Variants in PRKG1 observed in about 807,000 individuals in gnomAD.
PRKG1 encodes the protein cGMP-dependent protein kinase 1.
Under a neutral mutation model 88.1 loss-of-function variants are expected in PRKG1, and 35 were observed. The ratio of observed to expected loss-of-function variants is 0.40; its 90% CI spans 0.30 to 0.53. PRKG1 has a LOEUF of 0.53. Among genes scored for constraint, PRKG1 ranks in the 20% least tolerant of loss-of-function variants. The pLI is 0.59. For synonymous variants in PRKG1, 303 were observed against 292.5 expected (o/e 1.04, Z -0.37); for missense variants, 540 against 839.8 (o/e 0.64, Z 4.41).
intron 2 of PRKG1, among the ~76,000 whole-genome samples, chr10:51,398,480 C>A (rs535786677): frequency 7.8e-4 from 119 of 152,248 alleles, no homozygotes; most frequent in African/African-American, 2.8e-3. Context: ...GATTTGAGGA[C>A]CCCTGCCTTA....
intron 4 of PRKG1, among the ~76,000 whole-genome samples, chr10:51,849,724 C>G (rs1364815977): frequency 6.6e-6 from 1 of 152,170 alleles, no homozygotes; most frequent in Non-Finnish European, 1.5e-5. Flanking sequence ...TTTTAAAATT[C>G]TTCAGATTTA....
At chr10:51,269,856 C>T (rs1015283009) in intron 2 of PRKG1, among the ~76,000 whole-genome samples, 40 of 152,212 alleles carry the variant, frequency 2.6e-4, no homozygotes, top group African/African-American at 8.9e-4. Context: ...TCCCCAAAAA[C>T]TATTGAAATA....
At chr10:51,907,592 A>G (rs1316395724) in intron 5 of PRKG1, 22 bp downstream of exon 5, 1 of 1,600,678 alleles carries the variant, frequency 6.2e-7, no homozygotes, top group Admixed American at 1.7e-5. Flanking sequence ...TAGCCTTTGA[A>G]CTTTTTGAGA....
chr10:51,694,222 C>T (rs369515873), intron 3 of PRKG1, among the ~76,000 whole-genome samples: 2 of 152,220 alleles, frequency 1.3e-5, no homozygotes, highest in East Asian at 3.9e-4. Context: ...GGTTGTTGCA[C>T]ATAATTATCC....
At chr10:51,898,846 T>C (rs1450394426) in intron 4 of PRKG1, among the ~76,000 whole-genome samples, 1 of 152,154 alleles carries the variant, frequency 6.6e-6, no homozygotes, top group East Asian at 1.9e-4. Context: ...AATATTTTTT[T>C]CTTTAAATGG....
chr10:51,790,710 T>C (rs1445207331), intron 3 of PRKG1, among the ~76,000 whole-genome samples: 2 of 152,198 alleles, frequency 1.3e-5, no homozygotes, highest in African/African-American at 4.8e-5. Context: ...TCTTTTGATG[T>C]AGAGTCTGTC....
Position 51,920,165 on chromosome 10 carries a change from A to G in PRKG1, c.762+12595A>G, listed in dbSNP as rs576860645. ...GGATACACAATCAAGGTGGAAAACA[A>G]AGAAGGTGTGGGAAGCTAAGGACAG... On this transcript the variant is annotated intron_variant, in intron 5 of 17. Transcript: ENST00000373980. Among the ~76,000 whole-genome samples the G allele has an allele frequency of 5.3e-5, 8 of 152,320 alleles. No homozygotes were observed. The East Asian group carries it at 1.2e-3, about 22-fold the overall frequency.
At chr10:52,114,838 G>A (rs1847649384) in intron 7 of PRKG1, among the ~76,000 whole-genome samples, 1 of 152,114 alleles carries the variant, frequency 6.6e-6, no homozygotes. Context: ...AATACATGGT[G>A]CACCAGCACG....
chr10:51,411,004 T>A (rs183989423), intron 2 of PRKG1, among the ~76,000 whole-genome samples: 9 of 152,190 alleles, frequency 5.9e-5, no homozygotes, highest in Admixed American at 5.9e-4. Context: ...CAGGTTAATT[T>A]TTTTTTTTGA....
intron 2 of PRKG1, among the ~76,000 whole-genome samples, chr10:51,461,356 G>T (rs1350861172): frequency 6.6e-6 from 1 of 152,082 alleles, no homozygotes; most frequent in Non-Finnish European, 1.5e-5. Context: ...TTAGAAGCTT[G>T]GTTCTAACTA....
intron 9 of PRKG1, among the ~76,000 whole-genome samples, chr10:52,176,173 C>CTTT (rs140722137): frequency 0.019 from 1,793 of 95,596 alleles, 3 homozygotes; most frequent in East Asian, 0.028. Flanking sequence ...TTCTTTTTCT[C>CTTT]TTTTTTTTTT....
intron 2 of PRKG1, among the ~76,000 whole-genome samples, chr10:51,173,399 T>C (rs1209770209): frequency 1.4e-5 from 2 of 146,304 alleles, no homozygotes; most frequent in Non-Finnish European, 3.0e-5. Context: ...ATTAAGATCA[T>C]TAGAGTTGGG....
intron 5 of PRKG1, among the ~76,000 whole-genome samples, chr10:52,009,496 A>G (rs1844828021): frequency 6.6e-6 from 1 of 152,172 alleles, no homozygotes; most frequent in African/African-American, 2.4e-5. Flanking sequence ...AATGGTAATT[A>G]CAAAACACTG....
intron 3 of PRKG1, among the ~76,000 whole-genome samples, chr10:51,521,788 AC>A (rs1686171087): frequency 6.6e-6 from 1 of 152,226 alleles, no homozygotes; most frequent in African/African-American, 2.4e-5. Context: ...AGAACTTGGC[AC>A]GTAATTAGTC....
chr10:51,660,947 G>A (rs989954657), intron 3 of PRKG1, among the ~76,000 whole-genome samples: 2 of 152,110 alleles, frequency 1.3e-5, no homozygotes, highest in East Asian at 1.9e-4. Context: ...TTGGATTCAA[G>A]GAAATATAAA....
At chr10:51,635,791 A>G (rs766207431) in intron 3 of PRKG1, among the ~76,000 whole-genome samples, 10 of 152,182 alleles carry the variant, frequency 6.6e-5, no homozygotes, top group Non-Finnish European at 1.5e-4. Context: ...TCATTTGCCA[A>G]TTGCTCATTT....
intron 5 of PRKG1, among the ~76,000 whole-genome samples, chr10:51,946,624 A>G (rs1427360722): frequency 1.3e-5 from 2 of 151,908 alleles, no homozygotes; most frequent in Non-Finnish European, 2.9e-5. Context: ...ATGGTGATGT[A>G]CAGGTGGGTT....
At chr10:51,075,521 T>A (rs757391336) in intron 1 of PRKG1, among the ~76,000 whole-genome samples, 1 of 152,256 alleles carries the variant, frequency 6.6e-6, no homozygotes, top group Non-Finnish European at 1.5e-5. Context: ...GACTAGTCTG[T>A]TGATTTTGAA....
intron 2 of PRKG1, among the ~76,000 whole-genome samples, chr10:51,262,188 G>T (rs1046280230): frequency 2.6e-5 from 4 of 151,960 alleles, no homozygotes; most frequent in Non-Finnish European, 5.9e-5. Flanking sequence ...GCCCGGCCAG[G>T]ACTTTCTAAT....
Sources: allele counts gnomAD v4.1 joint callset (sites outside exome capture counted in the v4.1 genomes callset), GRCh38; gene constraint gnomAD v4.1.1; transcripts MANE v1.5; gene names NCBI Gene and HGNC (gene_info 2026-07-23, HGNC 2026-07-21).